OGDHL: variants seen among roughly 807,000 people sequenced by gnomAD.
OGDHL encodes the protein 2-oxoglutarate dehydrogenase-like, mitochondrial.
A neutral mutation model predicts 109.6 loss-of-function variants in OGDHL; 79 were observed. That is an observed-to-expected ratio of 0.72 (90% CI 0.60 to 0.87). OGDHL has a LOEUF of 0.87. Ranked by LOEUF, OGDHL falls within the 40% of genes least tolerant of loss-of-function variation. The pLI is 0.00. For missense variants in OGDHL, 1,275 were observed against 1,362.2 expected (o/e 0.94, Z 1.01); for synonymous variants, 528 against 537.2 (o/e 0.98, Z 0.24).
At position 49,735,282 on chromosome 10, in the gene OGDHL, C is replaced by T. The variant is rs2132924277; in HGVS notation, c.2979G>A (p.Lys993=). Residue 993 remains lysine, a synonymous_variant, in exon 23 of 23, where the codon AAG becomes AAA. Coordinates refer to ENST00000374103, the MANE Select transcript of OGDHL (RefSeq NM_018245.3). ...GNRNTHLVSL[K]KFLDTAFNLQ... ...GATTGAAGGCAGTATCCAGAAACTT[C>T]TTCAGTGACACCAGGTGAGTGTTCC... The T allele has an allele frequency of 6.2e-7, 1 of 1,614,200 alleles. No individual in the cohort carries two copies. Among genetic ancestry groups the T allele is most frequent in the South Asian group, 1.1e-5 (1 of 91,084 alleles).
At chr10:49,740,481 C>T (rs1258260) in intron 16 of OGDHL, among the ~76,000 whole-genome samples, 57,416 of 151,934 alleles carry the variant, frequency 0.38, 13,486 homozygotes, top group East Asian at 0.87. Flanking sequence ...CCCCTCAAGG[C>T]AAGGAGGTCC....
At chr10:49,745,766 A>AC in intron 11 of OGDHL, 32 bp downstream of exon 11, 1 of 1,605,042 alleles carries the variant, frequency 6.2e-7, no homozygotes, top group Non-Finnish European at 8.5e-7. Flanking sequence ...TGGGCCACCC[A>AC]CCCATGCCTT....
At chr10:49,737,882 C>G (rs371865787) in intron 19 of OGDHL, 24 bp from the exon 20 acceptor site, 42 of 1,614,088 alleles carry the variant, frequency 2.6e-5, no homozygotes, top group Middle Eastern at 1.6e-4. Flanking sequence ...ACACGCCCAG[C>G]TGCCAGCTGG....
chr10:49,755,855 T>C (rs1009385840), intron 3 of OGDHL, among the ~76,000 whole-genome samples: 2 of 152,226 alleles, frequency 1.3e-5, no homozygotes, highest in African/African-American at 4.8e-5. Flanking sequence ...TTCTTCATTT[T>C]TGAAGTCAAG....
In OGDHL at chr10:49,736,040, C is replaced by T; in HGVS notation, c.2892G>A (p.Arg964=). ...CCATGTACCATATGGGCCGTGCGCG[C>T]CTCAGGATGGTCATGAAGCGTGGGC... The part of the protein sequence containing the change: ...YISPRFMTIL[R]RARPIWYVGR... Residue 964 remains arginine, a synonymous_variant, in exon 22 of 23, where the codon AGG becomes AGA. Transcript: ENST00000374103. 1 of 1,593,732 alleles carries T rather than the reference C, an allele frequency of 6.3e-7. No homozygotes were observed. Among genetic ancestry groups the T allele is most frequent in the Non-Finnish European group, 8.5e-7 (1 of 1,170,490 alleles).
In OGDHL at chr10:49,759,956, G is replaced by A. The variant is rs574429193; in HGVS notation, c.-1-1363C>T. On this transcript the variant is annotated intron_variant, in intron 1 of 22. Transcript: ENST00000374103. Reference sequence around the variant, plus strand: ...GGTCAGGTGTGCTCAGCCAACACCTGTTGCACCCTTCTGCCTCACCCCTGC... The same window carrying A: ...GGTCAGGTGTGCTCAGCCAACACCTATTGCACCCTTCTGCCTCACCCCTGC... 2.0e-5 allele frequency among the ~76,000 whole-genome samples: 3 copies of A among 152,340 alleles called. No homozygotes were observed. The South Asian group carries it at 6.2e-4, about 32-fold the overall frequency.
At position 49,746,826 on chromosome 10, in the gene OGDHL, A is replaced by G. The variant is rs768653351; in HGVS notation, c.1220T>C (p.Val407Ala). ...GTCGCTCAGGTGGAAGGTCTCATAT[A>G]CCACGCCCTGGCCAGCAAAGGCGGC... ...GDAAFAGQGV[V>A]YETFHLSDLP... Residue 407 changes from valine to alanine, a missense_variant, in exon 10 of 23, where the codon GTA (valine) becomes GCA (alanine). Transcript: ENST00000374103. The G allele has an allele frequency of 6.2e-7, 1 of 1,613,924 alleles. No individual in the cohort carries two copies. The highest frequency in any genetic ancestry group is 2.2e-5 in the East Asian group (1 of 44,838).
chr10:49,748,732 A>G (rs545896357), intron 8 of OGDHL, among the ~76,000 whole-genome samples: 2 of 139,288 alleles, frequency 1.4e-5, no homozygotes, highest in South Asian at 2.5e-4. Flanking sequence ...AGGAGCCAGT[A>G]GGTATGGGTC....
Position 49,749,732 on chromosome 10 carries a change from C to T in OGDHL, c.981G>A (p.Ala327=), listed in dbSNP as rs772310249. ...FCQFDPKLEA[A]DEGSGDVKYH... The stretch of plus-strand genomic sequence containing the variant: ...ACCTGGGCATGGCACCCACCTCGTC[C>T]GCCGCCTCCAGCTTGGGGTCAAACT... Residue 327 remains alanine, a synonymous_variant, in exon 8 of 23, where the codon GCG becomes GCA. Coordinates refer to ENST00000374103, the MANE Select transcript of OGDHL (RefSeq NM_018245.3). 2.5e-5 allele frequency: 40 copies of T among 1,588,918 alleles called. No homozygotes were observed. Among genetic ancestry groups the T allele is most frequent in the South Asian group, 3.4e-5 (3 of 87,740 alleles).
Position 49,758,509 on chromosome 10 carries a change from G to C in OGDHL, c.84C>G (p.Gly28=), listed in dbSNP as rs140947039. 16 of 1,613,898 alleles carry C rather than the reference G, an allele frequency of 9.9e-6. No homozygotes were observed. Among genetic ancestry groups the C allele is most frequent in the African/African-American group, 9.3e-5 (7 of 75,062 alleles). ...LLAAHDVPVF[G]WRSRSSGPPA... ...GTGGCCCGGAGGACCTGCTGCGCCA[G>C]CCAAACACCGGGACGTCATGTGCAG... Residue 28 remains glycine, a synonymous_variant, in exon 2 of 23, where the codon GGC becomes GGG. Transcript: ENST00000374103.
rs903850671 is a variant in OGDHL at position 49,762,271 on chromosome 10, G to C, written c.-34C>G. 6 of 152,244 alleles carry C rather than the reference G, an allele frequency of 3.9e-5. No homozygotes were observed. The highest frequency in any genetic ancestry group is 1.4e-4 in the African/African-American group (6 of 41,566). 9.4% of individuals were successfully genotyped at this position (152,244 alleles called of 1,614,324 possible). A position where few individuals can be genotyped will look rare whatever the true frequency, so the allele number is the denominator to read the frequency against. ...GCGGGCCGGGTCCGCGCTGCAGCGA[G>C]GTCCGGAGGCTGCAGGTCAGGGGGC... On this transcript the variant is annotated 5_prime_UTR_variant, in exon 1 of 23. Transcript: ENST00000374103.
intron 4 of OGDHL, 89 bp downstream of exon 4, chr10:49,752,549 C>A: frequency 8.8e-7 from 1 of 1,141,624 alleles, no homozygotes; most frequent in South Asian, 1.2e-5. Flanking sequence ...CCATGGATTC[C>A]CAAGGATCAG....
Position 49,745,358 on chromosome 10 carries a change from G to T in OGDHL, c.1615C>A (p.Leu539Met). 6.2e-7 allele frequency: 1 copy of T among 1,613,838 alleles called. No homozygotes were observed. Residue 539 changes from leucine (L) to methionine (M), a missense_variant, in exon 12 of 23, where the codon CTG becomes ATG. By Grantham distance (15) the Leu-to-Met change is conservative. Coordinates refer to ENST00000374103, the MANE Select transcript of OGDHL (RefSeq NM_018245.3). ...DKLIAEGTVT[L>M]QEFEEEIAKY... ...TGCCTGCCCACCTCAAACTCCTGCA[G>T]GGTGACTGTGCCCTCGGCAATCAGC...
At chr10:49,743,332 T>A (rs1237641905) in intron 14 of OGDHL, among the ~76,000 whole-genome samples, 1 of 152,026 alleles carries the variant, frequency 6.6e-6, no homozygotes, top group Non-Finnish European at 1.5e-5. Flanking sequence ...ACACAGAGGC[T>A]AACACACAAA....
intron 3 of OGDHL, among the ~76,000 whole-genome samples, chr10:49,755,379 C>T (rs77398333): frequency 0.017 from 2,655 of 152,264 alleles, 28 homozygotes; most frequent in Non-Finnish European, 0.026. Flanking sequence ...TCTAGACATA[C>T]ACAAAGAAAT....
At chr10:49,745,205 G>A (rs1590717786) in intron 12 of OGDHL, 139 bp downstream of exon 12, 1 of 1,080,498 alleles carries the variant, frequency 9.3e-7, no homozygotes, top group East Asian at 2.5e-5. Flanking sequence ...TGGTAACTGG[G>A]GCCTCTTGGG....
Position 49,745,449 on chromosome 10 carries a change from G to T in OGDHL, c.1524C>A (p.Phe508Leu). Residue 508 changes from phenylalanine (F) to leucine (L), a missense_variant, in exon 12 of 23, where the codon TTC (phenylalanine) becomes TTA (leucine). Transcript: ENST00000374103. Reference protein sequence around the residue: ...RGHNEMDEPMFTQPLMYKQIH... With the variant: ...RGHNEMDEPMLTQPLMYKQIH... Reference sequence around the variant, plus strand: ...TCTGCTTGTACATGAGCGGCTGGGTGAACATGGGCTCGTCCATCTCATTGT... The same window carrying T: ...TCTGCTTGTACATGAGCGGCTGGGTTAACATGGGCTCGTCCATCTCATTGT... 6.2e-7 allele frequency: 1 copy of T among 1,614,126 alleles called. No individual in the cohort carries two copies. The highest frequency in any genetic ancestry group is 8.5e-7 in the Non-Finnish European group (1 of 1,180,028).
Position 49,756,871 on chromosome 10 carries a change from C to A in OGDHL, c.280G>T (p.Val94Phe), listed in dbSNP as rs749873346. 3 of 1,614,084 alleles carry A rather than the reference C, an allele frequency of 1.9e-6. No individual in the cohort carries two copies. In the South Asian group the frequency reaches 3.3e-5, roughly 18 times the overall value. ...GAGACTGCAGACCTGCTCTCATGGA[C>A]AACAGAAGGGGGCCGTGGCTGAGCA... The part of the protein sequence containing the change: ...GSAQPRPPSV[V>F]HESRSAVSSR... Residue 94 changes from valine (V) to phenylalanine (F), a missense_variant, in exon 3 of 23, where the codon GTC becomes TTC. Val to Phe is a conservative substitution (Grantham distance 50, BLOSUM62 -1). Transcript: ENST00000374103.
intron 10 of OGDHL, 24 bp downstream of exon 10, chr10:49,746,726 C>T (rs373425524): frequency 1.2e-6 from 2 of 1,612,344 alleles, no homozygotes; most frequent in Non-Finnish European, 8.5e-7. Flanking sequence ...GCTGTGAGGC[C>T]CAGCGTGGAG....
Sources: allele counts gnomAD v4.1 joint callset (sites outside exome capture counted in the v4.1 genomes callset), GRCh38; gene constraint gnomAD v4.1.1; transcripts MANE v1.5; gene names NCBI Gene and HGNC (gene_info 2026-07-23, HGNC 2026-07-21).